SLC39A11: variants seen among roughly 807,000 people sequenced by gnomAD.
The protein encoded by SLC39A11 is zinc transporter ZIP11.
SLC39A11 carries 33 observed loss-of-function variants against 36.1 expected under a neutral mutation model. The observed-to-expected ratio is 0.91, with a 90% CI of 0.69 to 1.22. SLC39A11 has a LOEUF of 1.22. Among genes scored for constraint, SLC39A11 ranks in the 50% most tolerant of loss-of-function variants. The pLI is 0.00. For synonymous variants in SLC39A11, 166 were observed against 170.3 expected, an observed-to-expected ratio of 0.97 and a Z score of 0.20; for missense variants, 432 against 430.3, an observed-to-expected ratio of 1.00 and a Z score of -0.03.
intron 6 of SLC39A11, among the ~76,000 whole-genome samples, chr17:72,828,632 G>C (rs1425856249): frequency 6.6e-6 from 1 of 152,210 alleles, no homozygotes; most frequent in East Asian, 1.9e-4. Context: ...TCCTGTTTGA[G>C]AGGAGTCTCC....
At chr17:72,665,066 T>C (rs891219158) in intron 7 of SLC39A11, among the ~76,000 whole-genome samples, 1 of 152,208 alleles carries the variant, frequency 6.6e-6, no homozygotes, top group Non-Finnish European at 1.5e-5. Flanking sequence ...TGTAGCTTCT[T>C]TCTCTCTTCT....
intron 6 of SLC39A11, among the ~76,000 whole-genome samples, chr17:72,775,117 G>A (rs755617248): frequency 3.9e-5 from 6 of 152,140 alleles, no homozygotes; most frequent in African/African-American, 4.8e-5. Flanking sequence ...TGTTTTGCTC[G>A]CTTTCAGCAG....
At chr17:72,983,327 T>G (rs1006349065) in intron 4 of SLC39A11, among the ~76,000 whole-genome samples, 1 of 152,132 alleles carries the variant, frequency 6.6e-6, no homozygotes, top group Non-Finnish European at 1.5e-5. Context: ...TTTTGTATTT[T>G]TAGTAGAGAC....
intron 3 of SLC39A11, among the ~76,000 whole-genome samples, chr17:73,042,965 G>C (rs1385293432): frequency 6.6e-6 from 1 of 152,186 alleles, no homozygotes; most frequent in Non-Finnish European, 1.5e-5. Flanking sequence ...CCAGACCCCA[G>C]GGGGTTGCAA....
intron 4 of SLC39A11, among the ~76,000 whole-genome samples, chr17:72,954,686 G>GA (rs2086121210): frequency 6.6e-6 from 1 of 152,048 alleles, no homozygotes; most frequent in African/African-American, 2.4e-5. Context: ...CCACATAATG[G>GA]AAAAAAAATT....
intron 3 of SLC39A11, among the ~76,000 whole-genome samples, chr17:73,060,978 T>C (rs1339075971): frequency 2.6e-5 from 4 of 152,212 alleles, no homozygotes; most frequent in Non-Finnish European, 4.4e-5. Flanking sequence ...TAAGCCTATA[T>C]AGTTTTGTCT....
At chr17:72,697,133 A>G (rs1322438466) in intron 7 of SLC39A11, among the ~76,000 whole-genome samples, 1 of 152,098 alleles carries the variant, frequency 6.6e-6, no homozygotes, top group Non-Finnish European at 1.5e-5. Flanking sequence ...CCCAGGCTGG[A>G]GTGCAGTGGT....
At chr17:73,019,167 C>G (rs2058263431) in intron 4 of SLC39A11, among the ~76,000 whole-genome samples, 1 of 151,950 alleles carries the variant, frequency 6.6e-6, no homozygotes, top group Admixed American at 6.6e-5. Flanking sequence ...CAGGCCTAAG[C>G]TATAATGAAT....
chr17:72,909,698 G>A (rs2082860895), intron 5 of SLC39A11, among the ~76,000 whole-genome samples: 1 of 151,794 alleles, frequency 6.6e-6, no homozygotes, highest in Non-Finnish European at 1.5e-5. Context: ...AGGAAACAGA[G>A]GCTTGCAGAG....
chr17:72,805,395 A>G (rs2713989), intron 6 of SLC39A11, among the ~76,000 whole-genome samples: 113,777 of 152,118 alleles, frequency 0.75, 43,138 homozygotes, highest in Middle Eastern at 0.81. Context: ...GAGGCTAAGC[A>G]TGAGGGAGAT....
At chr17:72,895,590 A>G (rs2081988756) in intron 5 of SLC39A11, among the ~76,000 whole-genome samples, 1 of 152,058 alleles carries the variant, frequency 6.6e-6, no homozygotes, top group South Asian at 2.1e-4. Context: ...CAAAAAAAAA[A>G]AAAAATCCCA....
chr17:73,080,424 A>T (rs546939361), intron 3 of SLC39A11, among the ~76,000 whole-genome samples: 1 of 152,320 alleles, frequency 6.6e-6, no homozygotes, highest in South Asian at 2.1e-4. Flanking sequence ...GGATCATTGG[A>T]AAGCCACATA....
At chr17:73,038,815 T>C (rs1324005551) in intron 3 of SLC39A11, among the ~76,000 whole-genome samples, 1 of 139,814 alleles carries the variant, frequency 7.2e-6, no homozygotes, top group Non-Finnish European at 1.6e-5. Context: ...AGGGGACGAG[T>C]TGAGGTTGAG....
At position 73,004,362 on chromosome 17, in the gene SLC39A11, C is replaced by T. The variant is rs145020136; in HGVS notation, c.306+27194G>A. Among the ~76,000 whole-genome samples, 565 of 152,282 alleles carry T rather than the reference C, an allele frequency of 3.7e-3. 2 individuals carry two copies. Among genetic ancestry groups the T allele is most frequent in the Admixed American group, 7.3e-3 (112 of 15,292 alleles). ...ATCATCAGGTTCTGACATGGCCTTG[C>T]TCCTCGGCTCCCAGAGGGCCGTCTT... On this transcript the variant is annotated intron_variant, in intron 4 of 9. Transcript: ENST00000255559.
At chr17:72,664,694 C>A (rs750971181) in intron 7 of SLC39A11, among the ~76,000 whole-genome samples, 15 of 152,252 alleles carry the variant, frequency 9.9e-5, no homozygotes, top group Non-Finnish European at 5.9e-5. Flanking sequence ...GAAGACACTG[C>A]AGTGGCTCCC....
At chr17:73,001,896 A>G (rs1338835713) in intron 4 of SLC39A11, among the ~76,000 whole-genome samples, 2 of 152,290 alleles carry the variant, frequency 1.3e-5, no homozygotes, top group South Asian at 2.1e-4. Flanking sequence ...GGAAAAAATA[A>G]TAAGTTTTCT....
At chr17:72,991,749 T>C (rs2089197139) in intron 4 of SLC39A11, among the ~76,000 whole-genome samples, 1 of 152,244 alleles carries the variant, frequency 6.6e-6, no homozygotes, top group East Asian at 1.9e-4. Context: ...TGACTGATAA[T>C]GTATTCATTT....
At chr17:72,853,570 A>G (rs2079485156) in intron 5 of SLC39A11, among the ~76,000 whole-genome samples, 1 of 151,990 alleles carries the variant, frequency 6.6e-6, no homozygotes, top group Non-Finnish European at 1.5e-5. Context: ...CAAGGAGCAT[A>G]AAGAATTCTT....
intron 5 of SLC39A11, among the ~76,000 whole-genome samples, chr17:72,892,987 C>A (rs1172502721): frequency 6.6e-6 from 1 of 152,136 alleles, no homozygotes; most frequent in Non-Finnish European, 1.5e-5. Flanking sequence ...GAAATGAGGT[C>A]TTCGTAATGA....
Sources: allele counts gnomAD v4.1 joint callset (sites outside exome capture counted in the v4.1 genomes callset), GRCh38; gene constraint gnomAD v4.1.1; transcripts MANE v1.5; gene names NCBI Gene and HGNC (gene_info 2026-07-23, HGNC 2026-07-21).